The following IL1RAPL1 variants were observed in gnomAD, a reference collection of about 807,000 sequenced individuals.
IL1RAPL1 encodes interleukin 1 receptor accessory protein like 1, also known as interleukin-1 receptor accessory protein-like 1.
Under a neutral mutation model 48.4 loss-of-function variants are expected in IL1RAPL1, and 3 were observed. The ratio of observed to expected loss-of-function variants is 0.06; its 90% confidence interval spans 0.03 to 0.16. The LOEUF is 0.16. Among genes scored for constraint, IL1RAPL1 ranks in the 10% least tolerant of loss-of-function variants. The probability of loss-of-function intolerance (pLI) is 1.00; values close to 1 mark genes in which losing one functional copy is unlikely to be tolerated. For synonymous variants in IL1RAPL1, 185 were observed against 187.7 expected (o/e 0.99, Z 0.12); for missense variants, 349 against 530.6 (o/e 0.66, Z 3.36).
intron 6 of IL1RAPL1, among the ~76,000 whole-genome samples, chrX:29,828,682 G>A (rs1195319267): frequency 1.8e-5 from 2 of 111,882 alleles, no homozygotes; most frequent in Non-Finnish European, 3.8e-5. Flanking sequence ...TTATTTCTAT[G>A]ATATATAGCC....
chrX:29,096,624 A>G (rs758433225), intron 2 of IL1RAPL1, among the ~76,000 whole-genome samples: 2 of 111,430 alleles, frequency 1.8e-5, no homozygotes, highest in South Asian at 7.4e-4. Flanking sequence ...TATTCACAAT[A>G]TCTCTTCCCA....
At chrX:29,137,443 C>T (rs886547547) in intron 2 of IL1RAPL1, among the ~76,000 whole-genome samples, 1 of 111,949 alleles carries the variant, frequency 8.9e-6, no homozygotes, top group Non-Finnish European at 1.9e-5. Context: ...ATAACATCCA[C>T]TATTATTTGG....
rs200260649 is a variant in IL1RAPL1, at chrX:28,836,370, G to T, written c.82+46945G>T. 2.7e-3 allele frequency among the ~76,000 whole-genome samples: 207 copies of T among 75,609 alleles called. 1 individual carries two copies. In the African/African-American group the frequency reaches 0.03, roughly 11 times the overall value. 65.7% of individuals were successfully genotyped at this position (75,609 alleles called of 115,157 possible). A position where few individuals can be genotyped will look rare whatever the true frequency, so the allele number is the denominator to read the frequency against. On this transcript the variant is annotated intron_variant, in intron 2 of 10. Transcript: ENST00000378993. ...TATATATATATATATATATGACAGA[G>T]AGAGAGAGAGAGAGAGACAGACAGA...
intron 3 of IL1RAPL1, among the ~76,000 whole-genome samples, chrX:29,386,218 G>A (rs1403011326): frequency 9.0e-6 from 1 of 110,796 alleles, no homozygotes; most frequent in Middle Eastern, 4.6e-3. Flanking sequence ...TAGTAGAGAC[G>A]GGGATTTCAC....
At chrX:28,867,394 T>G (rs1601937689) in intron 2 of IL1RAPL1, among the ~76,000 whole-genome samples, 1 of 111,838 alleles carries the variant, frequency 8.9e-6, no homozygotes, top group South Asian at 3.7e-4. Context: ...GGTAGGATAT[T>G]GAGCCAGGCG....
chrX:29,807,499 C>A (rs1364685187), intron 6 of IL1RAPL1, among the ~76,000 whole-genome samples: 1 of 107,258 alleles, frequency 9.3e-6, no homozygotes, highest in Non-Finnish European at 1.9e-5. Flanking sequence ...CCTGTAATCC[C>A]AGCTACTTGG....
intron 5 of IL1RAPL1, among the ~76,000 whole-genome samples, chrX:29,545,736 C>T (rs958392801): frequency 1.8e-5 from 2 of 111,727 alleles, no homozygotes; most frequent in Non-Finnish European, 3.8e-5. Context: ...ATTTTGGTGT[C>T]GAGCATTTTT....
intron 5 of IL1RAPL1, among the ~76,000 whole-genome samples, chrX:29,593,110 G>A (rs1923432767): frequency 9.0e-6 from 1 of 111,726 alleles, no homozygotes. Flanking sequence ...CTTTTCCCCA[G>A]CCATGGTGTT....
intron 1 of IL1RAPL1, among the ~76,000 whole-genome samples, chrX:28,768,747 C>CTATA (rs1936274600): frequency 2.3e-4 from 16 of 70,888 alleles, no homozygotes; most frequent in African/African-American, 5.7e-4. Context: ...CTCTCTCTCT[C>CTATA]TCTCTCTCTA....
chrX:28,696,570 G>A (rs1436527705), intron 1 of IL1RAPL1, among the ~76,000 whole-genome samples: 4 of 111,456 alleles, frequency 3.6e-5, no homozygotes, highest in Non-Finnish European at 7.6e-5. Context: ...TGTTTCAGGT[G>A]ATGGATATTC....
At chrX:28,650,356 G>A (rs1934668775) in intron 1 of IL1RAPL1, among the ~76,000 whole-genome samples, 1 of 111,334 alleles carries the variant, frequency 9.0e-6, no homozygotes, top group African/African-American at 3.3e-5. Flanking sequence ...GGGAGGCAAG[G>A]AGGAACAAGT....
intron 6 of IL1RAPL1, among the ~76,000 whole-genome samples, chrX:29,849,192 A>G (rs746504873): frequency 2.7e-5 from 3 of 112,063 alleles, no homozygotes; most frequent in Non-Finnish European, 5.6e-5. Flanking sequence ...GTAGTTTTCT[A>G]TTTTTGGTAT....
At chrX:29,208,599 T>C (rs1481872121) in intron 2 of IL1RAPL1, among the ~76,000 whole-genome samples, 1 of 108,228 alleles carries the variant, frequency 9.2e-6, no homozygotes, top group Non-Finnish European at 1.9e-5. Flanking sequence ...TAGTCCCAGC[T>C]ACTCTGGAGG....
chrX:29,769,438 T>G (rs1448838788), intron 6 of IL1RAPL1, among the ~76,000 whole-genome samples: 1 of 62,701 alleles, frequency 1.6e-5, no homozygotes, highest in Non-Finnish European at 2.9e-5. Context: ...TTTTTTTTTT[T>G]TTTTTTTTTT....
intron 1 of IL1RAPL1, among the ~76,000 whole-genome samples, chrX:28,610,232 T>C (rs1934131451): frequency 8.9e-6 from 1 of 112,228 alleles, no homozygotes; most frequent in Non-Finnish European, 1.9e-5. Flanking sequence ...TGGGTTTTTT[T>C]CCCCTACTCG....
Position 29,002,568 on chromosome X carries a change from GA to G in IL1RAPL1, c.82+213146del, listed in dbSNP as rs1202501390. Among the ~76,000 whole-genome samples, 3 of 109,724 alleles carry G rather than the reference GA, an allele frequency of 2.7e-5. No individual in the cohort carries two copies. The Admixed American group carries it at 2.9e-4, about 11-fold the overall frequency. ...AATTAAAAAAAAAAAGACTAAAGGG[GA>G]AATTTATTGAATACCATTAGCTTTT... On this transcript the variant is annotated intron_variant, in intron 2 of 10. Transcript: ENST00000378993.
At chrX:29,495,875 T>TCCTCTCTCTCTCTCTCTC (rs1374268709) in intron 5 of IL1RAPL1, among the ~76,000 whole-genome samples, 1 of 110,020 alleles carries the variant, frequency 9.1e-6, no homozygotes, top group Non-Finnish European at 1.9e-5. Context: ...GTCTCTGTCT[T>TCCTCTCTCTCTCTCTCTC]CCTCTCTCTC....
At chrX:28,771,353 T>C (rs1423251829) in intron 1 of IL1RAPL1, among the ~76,000 whole-genome samples, 5 of 112,551 alleles carry the variant, frequency 4.4e-5, no homozygotes, top group African/African-American at 1.6e-4. Context: ...ATAAGCAATG[T>C]CTTTAGGGGA....
chrX:29,306,258 C>T (rs769763742), intron 3 of IL1RAPL1, among the ~76,000 whole-genome samples: 3 of 111,876 alleles, frequency 2.7e-5, no homozygotes, highest in African/African-American at 9.7e-5. Flanking sequence ...GGGCCGGGCG[C>T]GGTGGCTCAC....
Sources: allele counts gnomAD v4.1 joint callset (sites outside exome capture counted in the v4.1 genomes callset), GRCh38; gene constraint gnomAD v4.1.1; transcripts MANE v1.5; gene names NCBI Gene and HGNC (gene_info 2026-07-23, HGNC 2026-07-21).